PRKCE: variants seen among roughly 807,000 people sequenced by gnomAD.
PRKCE encodes the protein protein kinase C epsilon, also known as protein kinase C epsilon type.
PRKCE carries 16 observed loss-of-function variants against 85.4 expected under a neutral mutation model. The observed-to-expected ratio is 0.19, with a 90% confidence interval of 0.13 to 0.28. PRKCE has a LOEUF of 0.28. Ranked by LOEUF, PRKCE falls within the 10% of genes least tolerant of loss-of-function variation. The pLI is 1.00. For synonymous variants in PRKCE, 388 were observed against 371.5 expected, an observed-to-expected ratio of 1.04 and a Z score of -0.51; for missense variants, 573 against 975.2, an observed-to-expected ratio of 0.59 and a Z score of 5.49.
chr2:45,993,959 G>C (rs914411002), intron 6 of PRKCE, among the ~76,000 whole-genome samples: 2 of 151,900 alleles, frequency 1.3e-5, no homozygotes, highest in African/African-American at 4.8e-5. Context: ...CCCACCTTTA[G>C]CCCAATGGGC....
intron 13 of PRKCE, among the ~76,000 whole-genome samples, chr2:46,158,587 G>A (rs1558513722): frequency 6.6e-6 from 1 of 152,318 alleles, no homozygotes; most frequent in East Asian, 1.9e-4. Flanking sequence ...GCAAGAAATA[G>A]TTAGAGGCTC....
At chr2:45,965,904 C>T (rs572584974) in intron 2 of PRKCE, among the ~76,000 whole-genome samples, 3 of 152,140 alleles carry the variant, frequency 2.0e-5, no homozygotes, top group East Asian at 1.9e-4. Flanking sequence ...CGCTGCATTA[C>T]GTTCCATTAT....
chr2:46,091,446 A>T (rs1670161208), intron 11 of PRKCE, among the ~76,000 whole-genome samples: 3 of 152,322 alleles, frequency 2.0e-5, no homozygotes, highest in South Asian at 2.1e-4. Flanking sequence ...AAATTTTGTG[A>T]TGATGCCTCA....
chr2:45,732,495 C>A (rs1681665785), intron 1 of PRKCE, among the ~76,000 whole-genome samples: 1 of 152,002 alleles, frequency 6.6e-6, no homozygotes, highest in Non-Finnish European at 1.5e-5. Flanking sequence ...TTGATATCCA[C>A]CTTTTTGAAA....
At chr2:46,157,060 A>G (rs1242185460) in intron 13 of PRKCE, among the ~76,000 whole-genome samples, 1 of 152,210 alleles carries the variant, frequency 6.6e-6, no homozygotes, top group Non-Finnish European at 1.5e-5. Context: ...AGATCTTGCA[A>G]CAGGCATATC....
intron 1 of PRKCE, among the ~76,000 whole-genome samples, chr2:45,707,079 T>C (rs1267722536): frequency 6.6e-6 from 1 of 152,254 alleles, no homozygotes; most frequent in African/African-American, 2.4e-5. Flanking sequence ...ATGACTGTTA[T>C]ATTCCTCAGT....
chr2:45,953,411 T>C (rs1700756207), intron 2 of PRKCE, among the ~76,000 whole-genome samples: 1 of 152,194 alleles, frequency 6.6e-6, no homozygotes. Context: ...TCAATTTGGA[T>C]AGAACATCCT....
At chr2:46,130,891 T>A (rs1674379966) in intron 11 of PRKCE, among the ~76,000 whole-genome samples, 1 of 152,254 alleles carries the variant, frequency 6.6e-6, no homozygotes, top group Non-Finnish European at 1.5e-5. Context: ...TGCGCACCCT[T>A]GTGCCATCAG....
At chr2:45,654,948 C>T (rs1361928995) in intron 1 of PRKCE, among the ~76,000 whole-genome samples, 2 of 152,204 alleles carry the variant, frequency 1.3e-5, no homozygotes, top group Non-Finnish European at 2.9e-5. Flanking sequence ...GCTCAGGTCT[C>T]TTCACTCCTT....
intron 1 of PRKCE, among the ~76,000 whole-genome samples, chr2:45,830,710 C>T (rs569029133): frequency 6.6e-6 from 1 of 152,274 alleles, no homozygotes; most frequent in East Asian, 1.9e-4. Context: ...CAAAAACTTC[C>T]ACAAAGTGAA....
intron 1 of PRKCE, among the ~76,000 whole-genome samples, chr2:45,788,295 A>C (rs1686772436): frequency 6.6e-6 from 1 of 152,258 alleles, no homozygotes; most frequent in African/African-American, 2.4e-5. Flanking sequence ...TAAAATGGTT[A>C]TAATGAACAT....
intron 10 of PRKCE, among the ~76,000 whole-genome samples, chr2:46,023,542 C>A (rs778210491): frequency 6.6e-6 from 1 of 152,220 alleles, no homozygotes; most frequent in Non-Finnish European, 1.5e-5. Flanking sequence ...AGGATAACAT[C>A]TTTGGCTGTG....
chr2:46,178,999 G>A (rs1405304043), intron 14 of PRKCE, among the ~76,000 whole-genome samples: 1 of 152,148 alleles, frequency 6.6e-6, no homozygotes, highest in African/African-American at 2.4e-5. Context: ...ACCACGTAGA[G>A]ACAGCATGTC....
chr2:45,661,655 A>C (rs1158805129), intron 1 of PRKCE, among the ~76,000 whole-genome samples: 1 of 146,970 alleles, frequency 6.8e-6, no homozygotes, highest in Non-Finnish European at 1.5e-5. Flanking sequence ...CAGCCTCCCG[A>C]GTAGCTGGGA....
chr2:46,057,599 G>T (rs1248461271), intron 10 of PRKCE, among the ~76,000 whole-genome samples: 2 of 151,840 alleles, frequency 1.3e-5, no homozygotes, highest in African/African-American at 4.8e-5. Context: ...ATGCCCGGCT[G>T]ATTTTTGTAT....
At chr2:45,699,710 C>G (rs767378706) in intron 1 of PRKCE, among the ~76,000 whole-genome samples, 1 of 152,256 alleles carries the variant, frequency 6.6e-6, no homozygotes, top group South Asian at 2.1e-4. Context: ...AGAAGCAGAT[C>G]TGGAGATGTG....
intron 11 of PRKCE, among the ~76,000 whole-genome samples, chr2:46,094,980 T>C (rs1039161694): frequency 6.6e-6 from 1 of 152,240 alleles, no homozygotes; most frequent in Non-Finnish European, 1.5e-5. Context: ...TCTAAAATTA[T>C]TGAATGATGC....
chr2:46,171,224 C>G (rs1161330377), intron 14 of PRKCE, among the ~76,000 whole-genome samples: 5 of 152,180 alleles, frequency 3.3e-5, no homozygotes, highest in African/African-American at 1.2e-4. Context: ...ACTGTCTCCT[C>G]CTAAGGCTCT....
At chr2:45,719,608 T>C (rs913387607) in intron 1 of PRKCE, among the ~76,000 whole-genome samples, 29 of 152,166 alleles carry the variant, frequency 1.9e-4, no homozygotes, top group African/African-American at 7.0e-4. Context: ...AATATGTATT[T>C]TGAGGTGTGG....
Sources: allele counts gnomAD v4.1 joint callset (sites outside exome capture counted in the v4.1 genomes callset), GRCh38; gene constraint gnomAD v4.1.1; transcripts MANE v1.5; gene names NCBI Gene and HGNC (gene_info 2026-07-23, HGNC 2026-07-21).